DNMT3L: variants seen among roughly 807,000 people sequenced by gnomAD.
DNMT3L encodes the protein DNA methyltransferase 3 like.
A neutral mutation model predicts 36.2 loss-of-function variants in DNMT3L; 33 were observed. That is an observed-to-expected ratio of 0.91 (90% CI 0.69 to 1.22). The LOEUF is 1.22. Among genes scored for constraint, DNMT3L ranks in the 50% most tolerant of loss-of-function variants. The pLI is 0.00. For synonymous variants in DNMT3L, 117 were observed against 121.7 expected (o/e 0.96, Z 0.26); for missense variants, 310 against 303.1 (o/e 1.02, Z -0.17).
At chr21:44,260,886 C>T (rs2040311677) in intron 2 of DNMT3L, 47 bp from the exon 3 acceptor site, 1 of 1,612,332 alleles carries the variant, frequency 6.2e-7, no homozygotes, top group Non-Finnish European at 8.5e-7. Context: ...CCTCTGATCT[C>T]TTAATTTAAA....
intron 3 of DNMT3L, 117 bp from the exon 4 acceptor site, chr21:44,259,828 T>C: frequency 9.4e-7 from 1 of 1,060,998 alleles, no homozygotes; most frequent in African/African-American, 1.6e-5. Context: ...CTGCAAAGTA[T>C]TGTTGGAAGA....
chr21:44,256,264 G>A (rs2146356169), intron 6 of DNMT3L, 110 bp from the exon 7 acceptor site: 1 of 1,129,974 alleles, frequency 8.8e-7, no homozygotes, highest in Non-Finnish European at 1.3e-6. Flanking sequence ...AGACTCACCG[G>A]AGACACACAT....
intron 5 of DNMT3L, among the ~76,000 whole-genome samples, chr21:44,259,004 C>T (rs903244577): frequency 2.6e-5 from 4 of 152,078 alleles, no homozygotes; most frequent in Non-Finnish European, 2.9e-5. Context: ...CCCAGCAAAA[C>T]CAAATGTAGC....
At position 44,258,655 on chromosome 21, in the gene DNMT3L, G is replaced by A. The variant is rs750552440; in HGVS notation, c.384C>T (p.Pro128=). Residue 128 remains proline, a synonymous_variant, in exon 6 of 12, where the codon CCC becomes CCT. Coordinates refer to ENST00000628202, the MANE Select transcript of DNMT3L (RefSeq NM_175867.3). This position sits in a 1 kb window ranked among gnomAD's most constrained non-coding sequence, Gnocchi z 6.2. The stretch of plus-strand genomic sequence containing the variant: ...TGGCGTGCACCTTCCCCGAGGTCCC[G>A]GGGCCGACCAGGCTATCCACACACT... ...CFECVDSLVG[P]GTSGKVHAMS... 6.2e-6 allele frequency: 10 copies of A among 1,612,802 alleles called. No homozygotes were observed. In the Admixed American group the frequency reaches 6.7e-5, roughly 11 times the overall value.
In DNMT3L at chr21:44,258,685, G is replaced by A; in HGVS notation, c.354C>T (p.Cys118=). 1 of 1,612,600 alleles carries A rather than the reference G, an allele frequency of 6.2e-7. No individual in the cohort carries two copies. Among genetic ancestry groups the A allele is most frequent in the Non-Finnish European group, 8.5e-7 (1 of 1,179,794 alleles). ...CGNPDCTRCY[C]FECVDSLVGP... is the part of the protein sequence containing the mutation. ...CGACCAGGCTATCCACACACTCGAAGCAGTAGCATCTAAGGCCAGACAGAA... is the reference window on the plus strand; with the variant it reads ...CGACCAGGCTATCCACACACTCGAAACAGTAGCATCTAAGGCCAGACAGAA... Residue 118 remains cysteine, a synonymous_variant, in exon 6 of 12, where the codon TGC becomes TGT. Coordinates refer to ENST00000628202, the MANE Select transcript of DNMT3L (RefSeq NM_175867.3). This position sits in a 1 kb window ranked among gnomAD's most constrained non-coding sequence, Gnocchi z 6.2.
At position 44,261,278 on chromosome 21, in the gene DNMT3L, C is replaced by T. The variant is rs763905342; in HGVS notation, c.-7-12G>A. On this transcript the variant is annotated splice_polypyrimidine_tract_variant and intron_variant, in intron 1 of 11. Transcript: ENST00000628202. ...CCGCCATGGGGATGCTGTGTCAGGA[C>T]ACACGGACACAGATGTGAGAAAGCC... 32 of 1,609,316 alleles carry T rather than the reference C, an allele frequency of 2.0e-5. No homozygotes were observed. The highest frequency in any genetic ancestry group is 2.5e-5 in the Non-Finnish European group (30 of 1,177,858).
At chr21:44,259,807 T>G (rs902269862) in intron 3 of DNMT3L, 96 bp from the exon 4 acceptor site, 1 of 1,303,822 alleles carries the variant, frequency 7.7e-7, no homozygotes, top group Non-Finnish European at 1.1e-6. Context: ...ATGAGACTTA[T>G]ACACTGAAAA....
chr21:44,255,948 G>T, intron 7 of DNMT3L, 119 bp downstream of exon 7: 2 of 991,810 alleles, frequency 2.0e-6, no homozygotes, highest in Non-Finnish European at 3.1e-6. Context: ...AAGGGTACAG[G>T]ACATCAGCAG....
At chr21:44,256,391 G>C (rs1015250754) in intron 6 of DNMT3L, among the ~76,000 whole-genome samples, 2 of 150,568 alleles carry the variant, frequency 1.3e-5, no homozygotes, top group Non-Finnish European at 3.0e-5. Context: ...CTCCAGCCGA[G>C]AGACAGTAGG....
Position 44,258,527 on chromosome 21 carries a change from T to A in DNMT3L, c.512A>T (p.Glu171Val), listed in dbSNP as rs376833329. Residue 171 changes from glutamate (E) to valine (V), a missense_variant, in exon 6 of 12, where the codon GAG (glutamate) becomes GTG (valine). Transcript: ENST00000628202. This position sits in a 1 kb window ranked among gnomAD's most constrained non-coding sequence, Gnocchi z 6.2. ...GCCCCTCCACGGGCTCCTTACCGAC[T>A]CTCGGTCGTAGAAGGCCTTGAGCTG... ...RSQLKAFYDR[E>V]SENPLEMFET... 71 of 1,566,186 alleles carry A rather than the reference T, an allele frequency of 4.5e-5. No homozygotes were observed. The African/African-American group carries it at 8.2e-4, about 18-fold the overall frequency.
chr21:44,255,826 C>A (rs544468354), intron 7 of DNMT3L, among the ~76,000 whole-genome samples: 1 of 152,208 alleles, frequency 6.6e-6, no homozygotes, highest in Admixed American at 6.5e-5. Flanking sequence ...ACATCCCTAA[C>A]GGCCAGAGGA....
intron 3 of DNMT3L, 76 bp from the exon 4 acceptor site, chr21:44,259,787 CCAAA>C: frequency 1.4e-6 from 2 of 1,468,186 alleles, no homozygotes; most frequent in Non-Finnish European, 1.9e-6. Flanking sequence ...ATAAATTTAG[CCAAA>C]CAAATATGAG....
chr21:44,257,814 T>A (rs1202043967), intron 6 of DNMT3L, among the ~76,000 whole-genome samples: 1 of 152,218 alleles, frequency 6.6e-6, no homozygotes, highest in Non-Finnish European at 1.5e-5. Context: ...CCGGCAGGCG[T>A]GCCTCCCTCA....
In DNMT3L at chr21:44,258,169, C is replaced by T. The variant is rs991197978; in HGVS notation, c.516+354G>A. ...TTGTCTGAGGTTCCTGCCGGCCCCC[C>T]TGGCTCCTCGGCTGGACTCCCAAAA... On this transcript the variant is annotated intron_variant, in intron 6 of 11. Transcript: ENST00000628202. The surrounding 1 kb of genome is among the most constrained non-coding windows in gnomAD (Gnocchi z 6.2). Among the ~76,000 whole-genome samples the T allele has an allele frequency of 6.6e-6, 1 of 152,196 alleles. No homozygotes were observed. The highest frequency in any genetic ancestry group is 2.4e-5 in the African/African-American group (1 of 41,448).
intron 6 of DNMT3L, among the ~76,000 whole-genome samples, chr21:44,257,680 CA>C (rs60313825): frequency 0.012 from 1,400 of 120,458 alleles, 49 homozygotes; most frequent in African/African-American, 0.039. Context: ...GACTCCGTCT[CA>C]AAAAAAAAAA....
intron 6 of DNMT3L, among the ~76,000 whole-genome samples, chr21:44,257,680 C>CAAAAAAAA (rs60313825): frequency 1.0e-4 from 12 of 120,446 alleles, no homozygotes; most frequent in Non-Finnish European, 1.6e-4. Flanking sequence ...GACTCCGTCT[C>CAAAAAAAA]AAAAAAAAAA....
rs577480450 is a variant in DNMT3L at position 44,256,513 on chromosome 21, C to T, written c.517-359G>A. ...ATCTTGGCTCACTGCAACTTTCCGC[C>T]TCCCGGGTTCAAGCGATTCTCCTGC... On this transcript the variant is annotated intron_variant, in intron 6 of 11. Transcript: ENST00000628202. Among the ~76,000 whole-genome samples the T allele has an allele frequency of 4.0e-5, 6 of 150,468 alleles. No homozygotes were observed. The East Asian group carries it at 1.2e-3, about 31-fold the overall frequency.
At chr21:44,254,382 C>T (rs1186081646) in intron 8 of DNMT3L, among the ~76,000 whole-genome samples, 4 of 152,234 alleles carry the variant, frequency 2.6e-5, no homozygotes, top group African/African-American at 4.8e-5. Flanking sequence ...ACCACCAAAA[C>T]GTGCTGCTCA....
chr21:44,257,218 A>G (rs2146356968), intron 6 of DNMT3L, among the ~76,000 whole-genome samples: 1 of 152,250 alleles, frequency 6.6e-6, no homozygotes, highest in African/African-American at 2.4e-5. Flanking sequence ...TGTCTCTACT[A>G]AAAGTACAGA....
Sources: allele counts gnomAD v4.1 joint callset (sites outside exome capture counted in the v4.1 genomes callset), GRCh38; gene constraint gnomAD v4.1.1; non-coding constraint Gnocchi (gnomAD v3.1); transcripts MANE v1.5; gene names NCBI Gene and HGNC (gene_info 2026-07-23, HGNC 2026-07-21).